The following UQCRH variants were observed in gnomAD, a reference collection of about 807,000 sequenced individuals.
UQCRH encodes cytochrome b-c1 complex subunit 6, mitochondrial.
UQCRH carries 14 observed loss-of-function variants against 16.3 expected under a neutral mutation model. The ratio of observed to expected loss-of-function variants is 0.86; its 90% confidence interval spans 0.57 to 1.34. The LOEUF is 1.34. Ranked by LOEUF, UQCRH falls within the 40% of genes most tolerant of loss-of-function variation. The pLI is 0.00. For synonymous variants in UQCRH, 41 were observed against 41.9 expected (o/e 0.98, Z 0.08); for missense variants, 89 against 111.9 (o/e 0.80, Z 0.92).
At chr1:46,304,385 TA>T (rs1307565946) in intron 1 of UQCRH, among the ~76,000 whole-genome samples, 2 of 68,914 alleles carry the variant, frequency 2.9e-5, no homozygotes, top group Non-Finnish European at 5.0e-5. Flanking sequence ...ATGCACTAAT[TA>T]ATTTTTTTTT....
chr1:46,303,912 G>A (rs961484776), intron 1 of UQCRH, 92 bp downstream of exon 1: 6 of 1,561,886 alleles, frequency 3.8e-6, no homozygotes, highest in Middle Eastern at 1.7e-4. Context: ...TTAGCCCCCA[G>A]TTTACCCTCT....
chr1:46,313,848 A>G (rs917330523), intron 3 of UQCRH, among the ~76,000 whole-genome samples: 1 of 151,998 alleles, frequency 6.6e-6, no homozygotes, highest in Non-Finnish European at 1.5e-5. Flanking sequence ...CTCAAAAAAA[A>G]AAAAACAAGT....
chr1:46,316,489 G>A (rs1445426065), intron 3 of UQCRH, 63 bp from the exon 4 acceptor site: 4 of 1,609,516 alleles, frequency 2.5e-6, no homozygotes, highest in Non-Finnish European at 3.4e-6. Flanking sequence ...GGTCTTGAAG[G>A]ACCTTGTAAG....
intron 1 of UQCRH, among the ~76,000 whole-genome samples, chr1:46,306,778 G>A (rs751662478): frequency 1.5e-4 from 23 of 152,192 alleles, no homozygotes; most frequent in Non-Finnish European, 1.3e-4. Context: ...TTTGCCAATT[G>A]TGAGAATAAA....
intron 1 of UQCRH, 113 bp downstream of exon 1, chr1:46,303,933 T>C (rs1393366404): frequency 1.4e-6 from 2 of 1,403,892 alleles, no homozygotes. Flanking sequence ...AGGGTTTGCA[T>C]AGTCGGGAGC....
At chr1:46,304,236 C>G (rs1661317185) in intron 1 of UQCRH, among the ~76,000 whole-genome samples, 1 of 152,012 alleles carries the variant, frequency 6.6e-6, no homozygotes, top group Admixed American at 6.6e-5. Context: ...GCCTTGTGTT[C>G]CTTTTCTTTG....
intron 3 of UQCRH, among the ~76,000 whole-genome samples, chr1:46,315,893 C>G (rs1661574382): frequency 6.6e-6 from 1 of 152,064 alleles, no homozygotes; most frequent in African/African-American, 2.4e-5. Flanking sequence ...AAAATATTTA[C>G]ATATATTTGT....
At chr1:46,313,836 G>C (rs1661528485) in intron 3 of UQCRH, among the ~76,000 whole-genome samples, 1 of 148,608 alleles carries the variant, frequency 6.7e-6, no homozygotes, top group Admixed American at 6.7e-5. Flanking sequence ...CTGAGACCCT[G>C]TCTCAAAAAA....
intron 3 of UQCRH, among the ~76,000 whole-genome samples, chr1:46,311,468 C>G (rs540895602): frequency 1.5e-4 from 23 of 150,372 alleles, no homozygotes; most frequent in Middle Eastern, 3.4e-3. Context: ...CCCCCAGCTA[C>G]TCGGGAGCCT....
chr1:46,310,601 C>G (rs1661451522), intron 3 of UQCRH, among the ~76,000 whole-genome samples: 1 of 152,162 alleles, frequency 6.6e-6, no homozygotes, highest in Non-Finnish European at 1.5e-5. Flanking sequence ...GCTGGGACTA[C>G]AAGTGCATGC....
At chr1:46,316,264 G>A (rs1661581896) in intron 3 of UQCRH, among the ~76,000 whole-genome samples, 1 of 152,182 alleles carries the variant, frequency 6.6e-6, no homozygotes, top group Non-Finnish European at 1.5e-5. Context: ...TAATGTCACT[G>A]ATGGGGAGGT....
intron 1 of UQCRH, among the ~76,000 whole-genome samples, chr1:46,305,996 C>T (rs1180392953): frequency 1.3e-5 from 2 of 151,948 alleles, no homozygotes; most frequent in African/African-American, 4.8e-5. Context: ...AGGGTTTCAC[C>T]GTGTTAGCCA....
intron 1 of UQCRH, among the ~76,000 whole-genome samples, chr1:46,307,697 C>T (rs185716938): frequency 2.6e-5 from 4 of 152,186 alleles, no homozygotes; most frequent in African/African-American, 4.8e-5. Flanking sequence ...TATTTCCAAG[C>T]TCATGAGTGG....
At chr1:46,305,189 G>A (rs1426967150) in intron 1 of UQCRH, among the ~76,000 whole-genome samples, 1 of 150,388 alleles carries the variant, frequency 6.6e-6, no homozygotes, top group Non-Finnish European at 1.5e-5. Context: ...GGTGGTGAAC[G>A]CCTGTGGTCT....
intron 3 of UQCRH, among the ~76,000 whole-genome samples, 159 bp downstream of exon 3, chr1:46,310,475 A>G (rs769131227): frequency 1.2e-4 from 18 of 152,168 alleles, no homozygotes; most frequent in East Asian, 9.7e-4. Context: ...AACCTATTCT[A>G]TTTTATTGAG....
intron 3 of UQCRH, among the ~76,000 whole-genome samples, chr1:46,313,840 CAA>C (rs77691408): frequency 2.6e-5 from 3 of 116,302 alleles, no homozygotes; most frequent in Non-Finnish European, 1.8e-5. Context: ...GACCCTGTCT[CAA>C]AAAAAAAAAA....
At chr1:46,311,889 A>T (rs1039935334) in intron 3 of UQCRH, among the ~76,000 whole-genome samples, 3 of 149,088 alleles carry the variant, frequency 2.0e-5, no homozygotes, top group African/African-American at 7.4e-5. Context: ...TCAGCCTTCC[A>T]AAGTTCTGGG....
chr1:46,312,437 G>T (rs951338699), intron 3 of UQCRH, among the ~76,000 whole-genome samples: 11 of 152,108 alleles, frequency 7.2e-5, no homozygotes, highest in Non-Finnish European at 1.0e-4. Flanking sequence ...TTTTTGTAGA[G>T]ATGGGATTTT....
chr1:46,304,714 A>G (rs897198348), intron 1 of UQCRH, among the ~76,000 whole-genome samples: 1 of 152,222 alleles, frequency 6.6e-6, no homozygotes, highest in African/African-American at 2.4e-5. Context: ...CACTATTCCT[A>G]TGAAGTAAGT....
Sources: gnomAD v4.1 joint callset for allele counts (sites outside exome capture counted in the v4.1 genomes callset) on GRCh38, gnomAD v4.1.1 for gene constraint, MANE v1.5 for transcripts, NCBI Gene and HGNC (gene_info 2026-07-23, HGNC 2026-07-21) for gene names.